The following HOOK3 variants were observed in gnomAD, a reference collection of about 807,000 sequenced individuals.
HOOK3 encodes the protein hook microtubule tethering protein 3.
In HOOK3, 24 loss-of-function variants were observed where a neutral mutation model predicts 116.3. That is an observed-to-expected ratio of 0.21 (90% CI 0.15 to 0.29). HOOK3 has a LOEUF of 0.29. Among genes scored for constraint, HOOK3 ranks in the 10% least tolerant of loss-of-function variants. The probability of loss-of-function intolerance (pLI) is 1.00; values close to 1 mark genes in which losing one functional copy is unlikely to be tolerated. For missense variants in HOOK3, 632 were observed against 830.2 expected, an observed-to-expected ratio of 0.76 and a Z score of 2.93; for synonymous variants, 275 against 283.0, an observed-to-expected ratio of 0.97 and a Z score of 0.28.
chr8:43,010,166 C>T (rs1809577307), intron 18 of HOOK3, 139 bp from the exon 19 acceptor site: 1 of 180,052 alleles, frequency 5.6e-6, no homozygotes, highest in Admixed American at 6.5e-5. Flanking sequence ...ATAGACCAGT[C>T]TCTCAAAGCT....
intron 3 of HOOK3, among the ~76,000 whole-genome samples, chr8:42,927,128 C>A (rs1332266201): frequency 6.6e-6 from 1 of 152,132 alleles, no homozygotes; most frequent in Non-Finnish European, 1.5e-5. Context: ...TTTGTATTTT[C>A]CCCAAGAAAC....
chr8:42,963,973 C>T (rs1049714986), intron 8 of HOOK3, among the ~76,000 whole-genome samples: 15 of 151,840 alleles, frequency 9.9e-5, no homozygotes, highest in African/African-American at 3.6e-4. Flanking sequence ...TTTGGGAGGC[C>T]GAGGCAGGCG....
chr8:42,985,153 G>A (rs932235359), intron 14 of HOOK3, among the ~76,000 whole-genome samples: 16 of 152,152 alleles, frequency 1.1e-4, no homozygotes, highest in African/African-American at 3.6e-4. Context: ...CTTTCTTTTG[G>A]GGAGACTGGC....
intron 5 of HOOK3, among the ~76,000 whole-genome samples, chr8:42,947,119 A>G (rs754247477): frequency 1.6e-4 from 25 of 152,238 alleles, no homozygotes; most frequent in Middle Eastern, 3.4e-3. Context: ...TTAGCTCAAG[A>G]ATTAAATATG....
At chr8:43,003,522 C>T (rs911450335) in intron 17 of HOOK3, among the ~76,000 whole-genome samples, 5 of 152,084 alleles carry the variant, frequency 3.3e-5, no homozygotes, top group African/African-American at 9.7e-5. Context: ...TTATTCTGTG[C>T]GCAGTCATTT....
rs192211694 is a variant in HOOK3 at position 43,027,942 on chromosome 8, G to A, written c.*9444G>A. The A allele has an allele frequency of 2.1e-5, 4 of 194,080 alleles. No homozygotes were observed. The highest frequency in any genetic ancestry group is 9.2e-5 in the African/African-American group (4 of 43,300). 12.0% of individuals were successfully genotyped at this position (194,080 alleles called of 1,614,324 possible). A position where few individuals can be genotyped will look rare whatever the true frequency, so the allele number is the denominator to read the frequency against. On this transcript the variant is annotated 3_prime_UTR_variant, in exon 22 of 22. Transcript: ENST00000307602. ...GAGAGAAAATAAGGACAAAATAAAG[G>A]CAGTGAAGTAACTTAAGACAACTCT... is the stretch of plus-strand genomic sequence containing the variant.
chr8:42,914,228 C>T (rs1435959458), intron 2 of HOOK3, among the ~76,000 whole-genome samples: 1 of 152,180 alleles, frequency 6.6e-6, no homozygotes, highest in Admixed American at 6.5e-5. Flanking sequence ...AATTCTCCCT[C>T]ATTTCCCAAC....
rs768931588 is a variant in HOOK3, at chr8:42,986,760, A to G, written c.1497A>G (p.Ala499=). The part of the protein sequence containing the change: ...IALLQSLLDD[A]NLRKNELETE... Reference sequence around the variant, plus strand: ...TATTGCAGAGCCTTCTAGATGATGCAAATCTACGCAAGAATGAACTGGAGA... The same window carrying G: ...TATTGCAGAGCCTTCTAGATGATGCGAATCTACGCAAGAATGAACTGGAGA... The change falls in exon 15 of 22, where the codon GCA becomes GCG. Residue 499 remains alanine (A), a synonymous_variant. Coordinates refer to ENST00000307602, the MANE Select transcript of HOOK3 (RefSeq NM_032410.4). 1.5e-5 allele frequency: 24 copies of G among 1,613,826 alleles called. No individual in the cohort carries two copies. The highest frequency in any genetic ancestry group is 2.7e-5 in the African/African-American group (2 of 74,916).
chr8:42,897,160 C>T lies in HOOK3; in HGVS notation c.29C>T (p.Ala10Val). ...TTCAGCGTAGAGTCGCTGGAGCGGG[C>T]GGAGCTGTGCGAGAGCCTCCTCACT... MFSVESLER[A>V]ELCESLLTWI... Residue 10 changes from alanine (A) to valine (V), a missense_variant, in exon 1 of 22, where the codon GCG (alanine) becomes GTG (valine). Around this residue, in one of 3 missense-constraint regions of HOOK3, gnomAD observed 141 missense variants for 150.8 expected, o/e 0.93. Transcript: ENST00000307602. 1.6e-6 allele frequency: 2 copies of T among 1,248,650 alleles called. No homozygotes were observed. The highest frequency in any genetic ancestry group is 2.0e-6 in the Non-Finnish European group (2 of 991,308). The allele number at this position is 1,248,650 out of a possible 1,614,324, so 77.3% of individuals were successfully genotyped here. A position where few individuals can be genotyped will look rare whatever the true frequency, so the allele number is the denominator to read the frequency against.
At chr8:42,906,756 C>T (rs367998276) in intron 2 of HOOK3, among the ~76,000 whole-genome samples, 1 of 152,166 alleles carries the variant, frequency 6.6e-6, no homozygotes, top group African/African-American at 2.4e-5. Context: ...GCCCCAACAT[C>T]CCCAAACACA....
At chr8:42,910,566 T>C (rs1437897437) in intron 2 of HOOK3, among the ~76,000 whole-genome samples, 1 of 152,258 alleles carries the variant, frequency 6.6e-6, no homozygotes, top group African/African-American at 2.4e-5. Flanking sequence ...TGTTGTTGAA[T>C]GTCTTGTAAG....
chr8:42,929,060 A>G (rs1030356901), intron 3 of HOOK3, among the ~76,000 whole-genome samples: 2 of 152,210 alleles, frequency 1.3e-5, no homozygotes, highest in Non-Finnish European at 2.9e-5. Context: ...AAATAAATAC[A>G]TAAATAAAGA....
intron 8 of HOOK3, among the ~76,000 whole-genome samples, chr8:42,960,330 C>G (rs1808513356): frequency 6.6e-6 from 1 of 152,102 alleles, no homozygotes; most frequent in African/African-American, 2.4e-5. Context: ...TACACCAGAA[C>G]AGTTTGCCAA....
Position 43,028,175 on chromosome 8 carries a change from C to T in HOOK3, c.*9677C>T, listed in dbSNP as rs1338785752. The stretch of plus-strand genomic sequence containing the variant: ...TCTTAATATCTTCAGTGTTTTTTCC[C>T]TTTTTATGTAAACTCTTTTAAAATT... On this transcript the variant is annotated 3_prime_UTR_variant, in exon 22 of 22. Transcript: ENST00000307602. 2 of 182,094 alleles carry T rather than the reference C, an allele frequency of 1.1e-5. No homozygotes were observed. The highest frequency in any genetic ancestry group is 1.2e-5 in the Non-Finnish European group (1 of 85,820). 11.3% of individuals were successfully genotyped at this position (182,094 alleles called of 1,614,324 possible). A position where few individuals can be genotyped will look rare whatever the true frequency, so the allele number is the denominator to read the frequency against.
chr8:42,944,366 A>G (rs1808184648), intron 5 of HOOK3, among the ~76,000 whole-genome samples: 1 of 152,114 alleles, frequency 6.6e-6, no homozygotes, highest in Admixed American at 6.5e-5. Flanking sequence ...CAATGAGCCA[A>G]GATCGCATCA....
chr8:42,966,819 G>A (rs1363343183), intron 10 of HOOK3, among the ~76,000 whole-genome samples: 1 of 152,152 alleles, frequency 6.6e-6, no homozygotes, highest in Non-Finnish European at 1.5e-5. Flanking sequence ...GAGGAGTTGA[G>A]TGAATTTATA....
chr8:43,014,200 C>T (rs770863014), intron 21 of HOOK3, among the ~76,000 whole-genome samples: 3 of 145,806 alleles, frequency 2.1e-5, no homozygotes, highest in Non-Finnish European at 3.0e-5. Flanking sequence ...GCAGGAGAAT[C>T]GCTTGAACTT....
chr8:42,973,267 T>C, intron 11 of HOOK3, 22 bp from the exon 12 acceptor site: 1 of 1,591,160 alleles, frequency 6.3e-7, no homozygotes, highest in East Asian at 2.2e-5. Context: ...TATGTATAAG[T>C]AATGGTATCT....
chr8:42,963,390 A>T (rs1039170046), intron 8 of HOOK3, among the ~76,000 whole-genome samples: 1 of 152,176 alleles, frequency 6.6e-6, no homozygotes, highest in Non-Finnish European at 1.5e-5. Context: ...TGGATTTGGG[A>T]TGCAAATCAT....
Sources: allele counts gnomAD v4.1 joint callset (sites outside exome capture counted in the v4.1 genomes callset), GRCh38; gene constraint gnomAD v4.1.1; regional missense constraint gnomAD v4.1.1; transcripts MANE v1.5; gene names NCBI Gene and HGNC (gene_info 2026-07-23, HGNC 2026-07-21).